Variants in GPC4 observed in about 807,000 individuals in gnomAD.
GPC4 encodes the protein glypican-4.
In GPC4, 10 loss-of-function variants were observed where a neutral mutation model predicts 35.0. That is an observed-to-expected ratio of 0.29 (90% CI 0.18 to 0.48). The LOEUF (loss-of-function observed/expected upper bound fraction) is 0.48. GPC4 is among the 20% of genes least tolerant of loss of function. The pLI is 0.99. For synonymous variants in GPC4, 167 were observed against 170.2 expected (o/e 0.98, Z 0.15); for missense variants, 322 against 451.3 (o/e 0.71, Z 2.60).
intron 1 of GPC4, among the ~76,000 whole-genome samples, chrX:133,352,938 T>C (rs1371777228): frequency 3.6e-5 from 4 of 112,184 alleles, no homozygotes; most frequent in Admixed American, 9.5e-5. Context: ...TTAGGTGCTA[T>C]ATTAAAGTAT....
chrX:133,403,360 T>C (rs915386843), intron 1 of GPC4, among the ~76,000 whole-genome samples: 1 of 110,793 alleles, frequency 9.0e-6, no homozygotes, highest in Non-Finnish European at 1.9e-5. Flanking sequence ...TGCTTCCTCA[T>C]AGAGGGCCAT....
chrX:133,381,671 T>C (rs1223420892), intron 1 of GPC4, among the ~76,000 whole-genome samples: 1 of 112,793 alleles, frequency 8.9e-6, no homozygotes, highest in Non-Finnish European at 1.9e-5. Flanking sequence ...CTTAACCATT[T>C]AGCATGTGTG....
chrX:133,304,694 G>A, intron 7 of GPC4, 31 bp downstream of exon 7: 2 of 1,206,830 alleles, frequency 1.7e-6, no homozygotes, highest in South Asian at 1.8e-5. Context: ...TAGGAAGGGA[G>A]AAACTTCAAA....
intron 1 of GPC4, among the ~76,000 whole-genome samples, chrX:133,387,104 C>T (rs1431565687): frequency 2.7e-5 from 3 of 111,962 alleles, no homozygotes; most frequent in Non-Finnish European, 5.6e-5. Flanking sequence ...CAACTGTACC[C>T]CGACAGGATC....
In GPC4 at chrX:133,380,143, CCTGG is replaced by C. The variant is rs760146946; in HGVS notation, c.160+34659_160+34662del. On this transcript the variant is annotated intron_variant, in intron 1 of 8. Coordinates refer to ENST00000370828, the MANE Select transcript of GPC4 (RefSeq NM_001448.3). Reference sequence around the variant, plus strand: ...TTTGAGGCCAGGAGTTTGAGACCAGCCTGGCTAAGACGGCAAAACCCCATCTCTA... The same window carrying C: ...TTTGAGGCCAGGAGTTTGAGACCAGCCTAAGACGGCAAAACCCCATCTCTA... 1.0e-4 allele frequency among the ~76,000 whole-genome samples: 11 copies of C among 110,479 alleles called. No individual in the cohort carries two copies. In the South Asian group the frequency reaches 4.3e-3, roughly 43 times the overall value.
chrX:133,306,148 A>G lies in GPC4; in HGVS notation c.884T>C (p.Met295Thr). 3 of 1,211,276 alleles carry G rather than the reference A, an allele frequency of 2.5e-6. No individual in the cohort carries two copies. The highest frequency in any genetic ancestry group is 3.4e-6 in the Non-Finnish European group (3 of 895,103). The change falls in exon 5 of 9, where the codon ATG (methionine) becomes ACG (threonine). Residue 295 changes from methionine (M) to threonine (T), a missense_variant. Met to Thr is a moderately conservative substitution (Grantham distance 81). Coordinates refer to ENST00000370828, the MANE Select transcript of GPC4 (RefSeq NM_001448.3). ...CTCTAGCCTCTCTGCCACCATCAGC[A>G]TAGCATCTAATATGAGGTTTGGGGA... is the stretch of plus-strand genomic sequence containing the variant. ...DFEWNNFIDA[M>T]LMVAERLEGP... is the part of the protein sequence containing the mutation.
rs192410980 is a variant in GPC4 at position 133,392,553 on chromosome X, T to C, written c.160+22253A>G. ...CTTGTATGTCCCAATTGTGTTTCCATTGGGGATGCCCCAGCCTTTTAAGGT... is the reference window on the plus strand; with the variant it reads ...CTTGTATGTCCCAATTGTGTTTCCACTGGGGATGCCCCAGCCTTTTAAGGT... On this transcript the variant is annotated intron_variant, in intron 1 of 8. Transcript: ENST00000370828. Among the ~76,000 whole-genome samples the C allele has an allele frequency of 3.2e-3, 348 of 107,625 alleles. 2 individuals are homozygous for C. Among genetic ancestry groups the C allele is most frequent in the Middle Eastern group, 9.3e-3 (2 of 214 alleles). 93.5% of individuals were successfully genotyped at this position (107,625 alleles called of 115,157 possible).
In GPC4 at chrX:133,302,119, C is replaced by G. The variant is rs2068269359; in HGVS notation, c.*748G>C. The G allele has an allele frequency of 8.9e-6, 1 of 112,034 alleles. No homozygotes were observed. Among genetic ancestry groups the G allele is most frequent in the Admixed American group, 9.5e-5 (1 of 10,530 alleles). The allele number at this position is 112,034 out of a possible 1,213,427, so 9.2% of individuals were successfully genotyped here. A position where few individuals can be genotyped will look rare whatever the true frequency, so the allele number is the denominator to read the frequency against. The stretch of plus-strand genomic sequence containing the variant: ...GTTACATTTTATGTATAAGTGGGTT[C>G]AAGAAATGGACCTATAGTGATCTTA... On this transcript the variant is annotated 3_prime_UTR_variant, in exon 9 of 9. Coordinates refer to ENST00000370828, the MANE Select transcript of GPC4 (RefSeq NM_001448.3).
intron 1 of GPC4, among the ~76,000 whole-genome samples, chrX:133,348,019 C>A (rs976866750): frequency 1.8e-5 from 2 of 112,073 alleles, no homozygotes; most frequent in African/African-American, 6.5e-5. Context: ...ATTCAATAAT[C>A]AGTTTTATTA....
At chrX:133,405,553 A>G (rs1208320049) in intron 1 of GPC4, among the ~76,000 whole-genome samples, 4 of 111,964 alleles carry the variant, frequency 3.6e-5, no homozygotes, top group African/African-American at 1.3e-4. Context: ...GGAGATCTCA[A>G]ACTGCCAAGA....
At chrX:133,323,103 G>C (rs888797373) in intron 3 of GPC4, among the ~76,000 whole-genome samples, 1 of 111,369 alleles carries the variant, frequency 9.0e-6, no homozygotes, top group African/African-American at 3.3e-5. Flanking sequence ...TAAAGGCACA[G>C]TTGCACGGTC....
rs1310138594 is a variant in GPC4, at chrX:133,303,306, T to C, written c.1328A>G (p.Asn443Ser). 1 of 1,210,845 alleles carries C rather than the reference T, an allele frequency of 8.3e-7. No homozygotes were observed. The highest frequency in any genetic ancestry group is 1.1e-6 in the Non-Finnish European group (1 of 894,957). Residue 443 changes from asparagine (N) to serine (S), a missense_variant, in exon 8 of 9, where the codon AAC (asparagine) becomes AGC (serine). Physicochemically the swap from Asn to Ser is conservative, Grantham distance 46 (BLOSUM62 1). Coordinates refer to ENST00000370828, the MANE Select transcript of GPC4 (RefSeq NM_001448.3). ...CTGGACCTCTGGGTTGTTGCCCTGG[T>C]TGGCTAATCCATTTCCTGTCACTGC... ...LFAVTGNGLA[N>S]QGNNPEVQVD...
chrX:133,340,459 C>A (rs1231819814), intron 1 of GPC4, among the ~76,000 whole-genome samples: 2 of 111,747 alleles, frequency 1.8e-5, no homozygotes, highest in African/African-American at 6.5e-5. Context: ...CAAAAGGGGT[C>A]TGAAAAGAGA....
intron 1 of GPC4, among the ~76,000 whole-genome samples, chrX:133,397,483 G>C (rs1441122457): frequency 9.1e-6 from 1 of 110,304 alleles, no homozygotes; most frequent in Admixed American, 9.7e-5. Context: ...TCTAAGGCTG[G>C]GAGGTTGAGG....
At chrX:133,412,690 G>A (rs1468052479) in intron 1 of GPC4, among the ~76,000 whole-genome samples, 1 of 111,909 alleles carries the variant, frequency 8.9e-6, no homozygotes, top group African/African-American at 3.2e-5. Flanking sequence ...ATGGGGGAAT[G>A]TCCAGATAGA....
chrX:133,330,132 G>A (rs189766934), intron 2 of GPC4, among the ~76,000 whole-genome samples: 29 of 110,745 alleles, frequency 2.6e-4, no homozygotes, highest in African/African-American at 9.5e-4. Context: ...TTTTTTTGGT[G>A]CTATAAATTA....
rs184962419 is a variant in GPC4, at chrX:133,302,541, A to C, written c.*326T>G. 746 of 180,141 alleles carry C rather than the reference A, an allele frequency of 4.1e-3. 6 individuals carry two copies. The highest frequency in any genetic ancestry group is 0.032 in the Admixed American group (433 of 13,568). The allele number at this position is 180,141 out of a possible 1,213,427, so 14.8% of individuals were successfully genotyped here. A position where few individuals can be genotyped will look rare whatever the true frequency, so the allele number is the denominator to read the frequency against. The stretch of plus-strand genomic sequence containing the variant: ...GGCGAGATCACAGTTGGAAAAAAAA[A>C]CCCACAAACGAAATGAGAAAAAAAC... On this transcript the variant is annotated 3_prime_UTR_variant, in exon 9 of 9. Coordinates refer to ENST00000370828, the MANE Select transcript of GPC4 (RefSeq NM_001448.3).
chrX:133,339,744 C>T (rs1454591804), intron 1 of GPC4, among the ~76,000 whole-genome samples: 3 of 112,212 alleles, frequency 2.7e-5, no homozygotes, highest in Non-Finnish European at 5.6e-5. Flanking sequence ...AGAGACTGTC[C>T]TTAATGACGA....
At chrX:133,410,464 G>T (rs182665910) in intron 1 of GPC4, among the ~76,000 whole-genome samples, 33 of 111,888 alleles carry the variant, frequency 2.9e-4, no homozygotes, top group Non-Finnish European at 5.3e-4. Context: ...CTTGGTATAG[G>T]GCCAGGCCCA....
Sources: allele counts gnomAD v4.1 joint callset (sites outside exome capture counted in the v4.1 genomes callset), GRCh38; gene constraint gnomAD v4.1.1; transcripts MANE v1.5; gene names NCBI Gene and HGNC (gene_info 2026-07-23, HGNC 2026-07-21).